Variants in DOK5 observed in about 807,000 individuals in gnomAD.
The protein encoded by DOK5 is docking protein 5, also known as downstream of tyrosine kinase 5.
DOK5 carries 27 observed loss-of-function variants against 43.3 expected under a neutral mutation model. That is an observed-to-expected ratio of 0.62 (90% CI 0.46 to 0.86). DOK5 has a LOEUF of 0.86. Among genes scored for constraint, DOK5 ranks in the 40% least tolerant of loss-of-function variants. The probability of loss-of-function intolerance (pLI) is 0.00; values close to 1 mark genes in which losing one functional copy is unlikely to be tolerated. For missense variants in DOK5, 373 were observed against 392.9 expected (o/e 0.95, Z 0.43); for synonymous variants, 146 against 140.1 (o/e 1.04, Z -0.30).
chr20:54,532,313 G>A (rs116798512), intron 1 of DOK5, among the ~76,000 whole-genome samples: 2 of 152,296 alleles, frequency 1.3e-5, no homozygotes, highest in Admixed American at 6.5e-5. Flanking sequence ...GTGGGCAGGT[G>A]GGCTCCTGAG....
At chr20:54,480,081 G>A (rs1045581662) in intron 1 of DOK5, among the ~76,000 whole-genome samples, 5 of 152,082 alleles carry the variant, frequency 3.3e-5, no homozygotes, top group African/African-American at 1.2e-4. Flanking sequence ...TCCCGCTAGT[G>A]CCTTCTCAAT....
intron 6 of DOK5, among the ~76,000 whole-genome samples, chr20:54,636,825 G>C (rs938087027): frequency 1.3e-5 from 2 of 152,038 alleles, no homozygotes; most frequent in African/African-American, 4.8e-5. Context: ...GGTTACAAAC[G>C]AACTCCCAAG....
intron 6 of DOK5, among the ~76,000 whole-genome samples, chr20:54,613,575 T>G (rs937622619): frequency 6.6e-6 from 1 of 151,208 alleles, no homozygotes; most frequent in African/African-American, 2.4e-5. Flanking sequence ...TAGAATTATA[T>G]TGAATACATT....
chr20:54,524,989 T>C (rs1007619589), intron 1 of DOK5, among the ~76,000 whole-genome samples: 3 of 152,196 alleles, frequency 2.0e-5, no homozygotes, highest in Non-Finnish European at 4.4e-5. Context: ...TATTTGAGGG[T>C]GTTCCCAAGC....
chr20:54,605,530 T>C (rs1239287556), intron 5 of DOK5, among the ~76,000 whole-genome samples: 1 of 152,204 alleles, frequency 6.6e-6, no homozygotes, highest in African/African-American at 2.4e-5. Flanking sequence ...CTTACCTGTG[T>C]CCCACCTTAA....
chr20:54,535,814 A>G (rs1023649887), intron 1 of DOK5, among the ~76,000 whole-genome samples: 1 of 152,156 alleles, frequency 6.6e-6, no homozygotes, highest in Non-Finnish European at 1.5e-5. Context: ...GTCTCTCAGT[A>G]TGATTTGAAT....
At chr20:54,520,177 G>A (rs776823826) in intron 1 of DOK5, among the ~76,000 whole-genome samples, 1 of 152,116 alleles carries the variant, frequency 6.6e-6, no homozygotes, top group Non-Finnish European at 1.5e-5. Flanking sequence ...TGTCATCTCA[G>A]TAAACGACAT....
At chr20:54,501,749 C>G (rs1982617770) in intron 1 of DOK5, among the ~76,000 whole-genome samples, 2 of 152,018 alleles carry the variant, frequency 1.3e-5, no homozygotes, top group Non-Finnish European at 2.9e-5. Context: ...TCATTGTAAC[C>G]AAAGAAAACT....
In DOK5 at chr20:54,591,782, G is replaced by A. The variant is rs760518434; in HGVS notation, c.576G>A (p.Thr192=). The change falls in exon 5 of 8, where the codon ACG becomes ACA. Residue 192 remains threonine, a synonymous_variant. Transcript: ENST00000262593. ...TGCGGCGGTATGGACGTGATACTAC[G>A]TGGTTCACTTTTGAGGCAGGGAGGT... The part of the protein sequence containing the change: ...SALRRYGRDT[T]WFTFEAGRMC... The A allele has an allele frequency of 2.5e-6, 4 of 1,612,844 alleles. No individual in the cohort carries two copies. The highest frequency in any genetic ancestry group is 3.4e-6 in the Non-Finnish European group (4 of 1,179,700).
Position 54,646,248 on chromosome 20 carries a change from G to GTTTTTTT in DOK5, c.856+2688_856+2694dup, listed in dbSNP as rs386394048. Among the ~76,000 whole-genome samples the GTTTTTTT allele has an allele frequency of 1.9e-3, 152 of 79,930 alleles. 15 individuals carry two copies. The highest frequency in any genetic ancestry group is 2.3e-3 in the Non-Finnish European group (105 of 46,210). 52.4% of individuals were successfully genotyped at this position (79,930 alleles called of 152,430 possible). On this transcript the variant is annotated intron_variant, in intron 7 of 7. Transcript: ENST00000262593. ...TACTGTTATATCCACTGGTTATACT[G>GTTTTTTT]TTTTTTTTTTTTTTTTTTTTTTTTG...
intron 5 of DOK5, among the ~76,000 whole-genome samples, chr20:54,595,914 A>G (rs762202024): frequency 6.6e-6 from 1 of 152,210 alleles, no homozygotes; most frequent in Non-Finnish European, 1.5e-5. Flanking sequence ...TAAGTTGATC[A>G]GAGTAATAAC....
chr20:54,588,788 G>C lies in DOK5; in HGVS notation c.391G>C (p.Val131Leu), dbSNP rs916108882. The change falls in exon 4 of 8, where the codon GTT (valine) becomes CTT (leucine). Residue 131 changes from valine (V) to leucine (L), a missense_variant. Transcript: ENST00000262593. ...AGAGCCTGACTTACTGGCCACTGGG[G>C]TTGAGAGAGAACAGAGTGGTATGTA... ...LGEPDLLATGVEREQSERFNV... is the reference protein window; with the variant it reads ...LGEPDLLATGLEREQSERFNV... 2.5e-6 allele frequency: 4 copies of C among 1,613,826 alleles called. No individual in the cohort carries two copies. The African/African-American group carries it at 5.3e-5, about 22-fold the overall frequency.
At chr20:54,623,801 G>C (rs974311005) in intron 6 of DOK5, among the ~76,000 whole-genome samples, 2 of 152,090 alleles carry the variant, frequency 1.3e-5, no homozygotes, top group Non-Finnish European at 2.9e-5. Context: ...AGATGGTCTC[G>C]ATCTCCTGAC....
At chr20:54,580,963 A>G (rs1209911053) in intron 2 of DOK5, among the ~76,000 whole-genome samples, 1 of 152,128 alleles carries the variant, frequency 6.6e-6, no homozygotes, top group Non-Finnish European at 1.5e-5. Context: ...GACCACTGTC[A>G]TAAAGCCTTT....
chr20:54,481,178 CTATA>C (rs749780182), intron 1 of DOK5, among the ~76,000 whole-genome samples: 3 of 125,978 alleles, frequency 2.4e-5, no homozygotes, highest in African/African-American at 8.6e-5. Context: ...ATCTATCTAT[CTATA>C]TTTTTTTGGC....
At chr20:54,592,541 A>ATTT (rs767769473) in intron 5 of DOK5, among the ~76,000 whole-genome samples, 2 of 140,060 alleles carry the variant, frequency 1.4e-5, no homozygotes, top group Admixed American at 7.2e-5. Flanking sequence ...ACTGCAGGTA[A>ATTT]TTTTTTTTTT....
At chr20:54,506,422 G>A (rs1054703311) in intron 1 of DOK5, among the ~76,000 whole-genome samples, 1 of 152,072 alleles carries the variant, frequency 6.6e-6, no homozygotes, top group Non-Finnish European at 1.5e-5. Flanking sequence ...TATTACTGAA[G>A]GCTTACTCAA....
intron 1 of DOK5, 53 bp from the exon 2 acceptor site, chr20:54,554,880 T>C: frequency 8.9e-7 from 1 of 1,129,676 alleles, no homozygotes; most frequent in South Asian, 1.3e-5. Context: ...AACATTTAAA[T>C]GCAAATGTCA....
intron 1 of DOK5, among the ~76,000 whole-genome samples, chr20:54,499,347 T>A (rs1432137467): frequency 6.6e-6 from 1 of 152,176 alleles, no homozygotes; most frequent in East Asian, 1.9e-4. Context: ...TTGTCCAGAG[T>A]TACAGACAGG....
Sources: gnomAD v4.1 joint callset for allele counts (sites outside exome capture counted in the v4.1 genomes callset) on GRCh38, gnomAD v4.1.1 for gene constraint, MANE v1.5 for transcripts, NCBI Gene and HGNC (gene_info 2026-07-23, HGNC 2026-07-21) for gene names.